Variants in GNG2 observed in about 807,000 individuals in gnomAD.
GNG2 encodes the protein G protein subunit gamma 2.
A neutral mutation model predicts 5.5 loss-of-function variants in GNG2; 5 were observed. The observed-to-expected ratio is 0.91, with a 90% CI of 0.48 to 1.92. The LOEUF (loss-of-function observed/expected upper bound fraction) is 1.92, where lower values mean the gene tolerates loss of function less well. Among genes scored for constraint, GNG2 ranks in the 30% most tolerant of loss-of-function variants. The pLI, the probability that GNG2 is intolerant of heterozygous loss-of-function variation, is 0.01. For synonymous variants in GNG2, 28 were observed against 32.0 expected (o/e 0.88, Z 0.42); for missense variants, 55 against 88.4 (o/e 0.62, Z 1.52).
At chr14:51,850,973 G>T (rs1881881345) in intron 2 of GNG2, among the ~76,000 whole-genome samples, 1 of 152,222 alleles carries the variant, frequency 6.6e-6, no homozygotes, top group East Asian at 1.9e-4. Flanking sequence ...TTCAACATGA[G>T]ATTTGGGTGG....
intron 2 of GNG2, among the ~76,000 whole-genome samples, chr14:51,949,448 G>A (rs527845417): frequency 6.6e-6 from 1 of 152,138 alleles, no homozygotes; most frequent in Non-Finnish European, 1.5e-5. Context: ...CAGGTTTTCT[G>A]TGTGTTCTTT....
chr14:51,861,113 G>A (rs898282908), intron 1 of GNG2, among the ~76,000 whole-genome samples: 11 of 152,272 alleles, frequency 7.2e-5, no homozygotes, highest in Non-Finnish European at 1.6e-4. Context: ...TCTGGTCATC[G>A]GAGCCCGGCA....
chr14:51,827,205 T>C (rs1431681176), intron 1 of GNG2, among the ~76,000 whole-genome samples: 2 of 152,230 alleles, frequency 1.3e-5, no homozygotes, highest in Admixed American at 1.3e-4. Flanking sequence ...CGGGCACAGA[T>C]GTCAATACTC....
At chr14:51,947,558 A>C (rs1888712215) in intron 2 of GNG2, among the ~76,000 whole-genome samples, 1 of 152,164 alleles carries the variant, frequency 6.6e-6, no homozygotes, top group African/African-American at 2.4e-5. Context: ...CTAGAAAATG[A>C]AAGAAAGTGA....
At chr14:51,871,114 A>G (rs1883264092) in intron 1 of GNG2, among the ~76,000 whole-genome samples, 1 of 152,166 alleles carries the variant, frequency 6.6e-6, no homozygotes, top group African/African-American at 2.4e-5. Flanking sequence ...CCTCACTTTC[A>G]TTTTAAAGGC....
intron 2 of GNG2, among the ~76,000 whole-genome samples, chr14:51,840,985 AT>A (rs1301175693): frequency 2.6e-5 from 4 of 152,138 alleles, no homozygotes; most frequent in African/African-American, 9.7e-5. Context: ...ATATCTGGTA[AT>A]TTTTTTCCGA....
At chr14:51,943,734 A>G (rs1036341135) in intron 2 of GNG2, among the ~76,000 whole-genome samples, 1 of 152,234 alleles carries the variant, frequency 6.6e-6, no homozygotes, top group Non-Finnish European at 1.5e-5. Context: ...ATAGTTAAGA[A>G]CTAACCAGGA....
chr14:51,932,271 A>AAAAAAAAAG lies in GNG2; in HGVS notation c.-29-18378_-29-18377insAAAAAAAGA, dbSNP rs60014306. ...CAAAAAAAAAAAAAAAAAAAAAAAA[A>AAAAAAAAAG]AGAAAAGAAAATATGGTATATATGC... On this transcript the variant is annotated intron_variant, in intron 2 of 3. Coordinates refer to ENST00000556766, the MANE Select transcript of GNG2 (RefSeq NM_053064.5). 2.0e-4 allele frequency among the ~76,000 whole-genome samples: 19 copies of AAAAAAAAAG among 96,338 alleles called. 3 individuals carry two copies. Among genetic ancestry groups the AAAAAAAAAG allele is most frequent in the Non-Finnish European group, 2.5e-4 (12 of 48,788 alleles). The allele number at this position is 96,338 out of a possible 152,430, so 63.2% of individuals were successfully genotyped here.
chr14:51,833,877 T>C (rs1490871822), intron 2 of GNG2, among the ~76,000 whole-genome samples: 1 of 152,238 alleles, frequency 6.6e-6, no homozygotes, highest in Non-Finnish European at 1.5e-5. Flanking sequence ...ACTTGCTTTC[T>C]CCTTTACAGT....
intron 3 of GNG2, among the ~76,000 whole-genome samples, chr14:51,958,446 C>CA (rs1308893225): frequency 6.9e-6 from 1 of 145,258 alleles, no homozygotes; most frequent in Non-Finnish European, 1.5e-5. Context: ...CGTTCCCCCC[C>CA]CCCATTTATA....
At position 51,957,504 on chromosome 14, in the gene GNG2, C is replaced by T. The variant is rs1184214387; in HGVS notation, c.87+6739C>T. Among the ~76,000 whole-genome samples the T allele has an allele frequency of 2.0e-5, 3 of 152,080 alleles. No homozygotes were observed. The East Asian group carries it at 5.8e-4, about 29-fold the overall frequency. On this transcript the variant is annotated intron_variant, in intron 3 of 3. Transcript: ENST00000556766. Reference sequence around the variant, plus strand: ...TGTGGTGCAAACAATTTTGTTTTCTCCTGAGCCAGTTGAGAATAAGTTGTC... The same window carrying T: ...TGTGGTGCAAACAATTTTGTTTTCTTCTGAGCCAGTTGAGAATAAGTTGTC...
At chr14:51,924,225 T>C (rs1463267962) in intron 2 of GNG2, among the ~76,000 whole-genome samples, 1 of 152,082 alleles carries the variant, frequency 6.6e-6, no homozygotes, top group East Asian at 1.9e-4. Context: ...AATCTGAAAA[T>C]AGGAATGATA....
At chr14:51,914,759 A>G (rs1886510622) in intron 2 of GNG2, among the ~76,000 whole-genome samples, 1 of 152,152 alleles carries the variant, frequency 6.6e-6, no homozygotes, top group African/African-American at 2.4e-5. Flanking sequence ...TCATTTGAAG[A>G]GTTCTTTATG....
At chr14:51,910,041 G>A (rs948625059) in intron 2 of GNG2, among the ~76,000 whole-genome samples, 5 of 152,194 alleles carry the variant, frequency 3.3e-5, no homozygotes, top group Admixed American at 6.5e-5. Context: ...AGCGTGGGGC[G>A]GAAGCTATGA....
chr14:51,862,492 AAGT>A (rs1882574696), intron 1 of GNG2, among the ~76,000 whole-genome samples: 1 of 152,218 alleles, frequency 6.6e-6, no homozygotes, highest in Admixed American at 6.5e-5. Context: ...TCATGAAATG[AAGT>A]AAAAAGTTGG....
intron 2 of GNG2, among the ~76,000 whole-genome samples, chr14:51,890,079 G>T (rs1374051674): frequency 1.3e-5 from 2 of 152,196 alleles, no homozygotes; most frequent in South Asian, 2.1e-4. Context: ...ATCAAAATGA[G>T]TAGTGATTCA....
chr14:51,827,081 C>A (rs999406247), intron 1 of GNG2, among the ~76,000 whole-genome samples: 1 of 152,200 alleles, frequency 6.6e-6, no homozygotes, highest in African/African-American at 2.4e-5. Flanking sequence ...TAGACGGTGA[C>A]AGCAGCAGTT....
At chr14:51,963,069 G>T (rs1351512816) in intron 3 of GNG2, among the ~76,000 whole-genome samples, 5 of 152,178 alleles carry the variant, frequency 3.3e-5, no homozygotes, top group African/African-American at 1.2e-4. Context: ...TATGTAAAGT[G>T]GTTAGCACAG....
At chr14:51,901,931 G>T (rs939695556) in intron 2 of GNG2, among the ~76,000 whole-genome samples, 2 of 111,880 alleles carry the variant, frequency 1.8e-5, no homozygotes, top group Non-Finnish European at 3.3e-5. Context: ...CTAGGTGATA[G>T]CTACATCAAC....
Sources: gnomAD v4.1 joint callset for allele counts (sites outside exome capture counted in the v4.1 genomes callset) on GRCh38, gnomAD v4.1.1 for gene constraint, MANE v1.5 for transcripts, NCBI Gene and HGNC (gene_info 2026-07-23, HGNC 2026-07-21) for gene names.